The following LHFPL3 variants were observed in gnomAD, a reference collection of about 807,000 sequenced individuals.
LHFPL3 encodes the protein LHFPL tetraspan subfamily member 3.
LHFPL3 carries 5 observed loss-of-function variants against 19.3 expected under a neutral mutation model. The observed-to-expected ratio is 0.26, with a 90% CI of 0.14 to 0.54. The LOEUF (loss-of-function observed/expected upper bound fraction) is 0.54. Ranked by LOEUF, LHFPL3 falls within the 20% of genes least tolerant of loss-of-function variation. The pLI is 0.94. For missense variants in LHFPL3, 249 were observed against 307.4 expected, an observed-to-expected ratio of 0.81 and a Z score of 1.42; for synonymous variants, 133 against 126.2, an observed-to-expected ratio of 1.05 and a Z score of -0.36.
At chr7:104,609,400 T>G (rs934023683) in intron 1 of LHFPL3, among the ~76,000 whole-genome samples, 13 of 152,236 alleles carry the variant, frequency 8.5e-5, no homozygotes, top group Admixed American at 7.2e-4. Context: ...TAGAAAACTT[T>G]TCTGTGCCTG....
At chr7:104,747,681 G>A (rs1250945950) in intron 2 of LHFPL3, among the ~76,000 whole-genome samples, 1 of 152,088 alleles carries the variant, frequency 6.6e-6, no homozygotes, top group Non-Finnish European at 1.5e-5. Flanking sequence ...GCTGTCTCTT[G>A]GGATGCATTC....
chr7:104,741,197 T>C (rs1793930715), intron 2 of LHFPL3, among the ~76,000 whole-genome samples: 1 of 152,130 alleles, frequency 6.6e-6, no homozygotes, highest in South Asian at 2.1e-4. Context: ...GTGTCCCCCT[T>C]CAATGCCTCC....
At chr7:104,881,786 T>C (rs1052001065) in intron 2 of LHFPL3, among the ~76,000 whole-genome samples, 3 of 152,198 alleles carry the variant, frequency 2.0e-5, no homozygotes, top group Admixed American at 1.3e-4. Flanking sequence ...AAATCTTCCA[T>C]GAAAGGAAAC....
chr7:104,607,288 C>A (rs909941835), intron 1 of LHFPL3, among the ~76,000 whole-genome samples: 3 of 152,190 alleles, frequency 2.0e-5, no homozygotes, highest in Non-Finnish European at 4.4e-5. Context: ...AAGATGGAGT[C>A]AACAATGTCA....
At chr7:104,452,808 G>T (rs1286784528) in intron 1 of LHFPL3, among the ~76,000 whole-genome samples, 1 of 151,986 alleles carries the variant, frequency 6.6e-6, no homozygotes, top group African/African-American at 2.4e-5. Flanking sequence ...AAGTTAAAAG[G>T]ATGCTTACTG....
chr7:104,848,827 A>G (rs1329202343), intron 2 of LHFPL3, among the ~76,000 whole-genome samples: 2 of 152,180 alleles, frequency 1.3e-5, no homozygotes, highest in Non-Finnish European at 2.9e-5. Context: ...GCATATCAGC[A>G]TGCGAATATG....
intron 1 of LHFPL3, among the ~76,000 whole-genome samples, chr7:104,417,284 A>G (rs1049110781): frequency 1.2e-4 from 19 of 152,192 alleles, no homozygotes; most frequent in African/African-American, 3.1e-4. Flanking sequence ...CTTCAACTGC[A>G]TATTCACAGA....
intron 1 of LHFPL3, among the ~76,000 whole-genome samples, chr7:104,694,516 C>A (rs1792962575): frequency 6.6e-6 from 1 of 151,882 alleles, no homozygotes; most frequent in Admixed American, 6.6e-5. Flanking sequence ...CCTGAAAAAC[C>A]TTTTTTTTAT....
chr7:104,453,142 G>T (rs1181074908), intron 1 of LHFPL3, among the ~76,000 whole-genome samples: 2 of 151,670 alleles, frequency 1.3e-5, no homozygotes, highest in Non-Finnish European at 1.5e-5. Flanking sequence ...ACTTGCTTGT[G>T]TAAAATAAAA....
rs567025867 is a variant in LHFPL3 at position 104,491,990 on chromosome 7, A to G, written c.445+162766A>G. ...TCAAAGTCACACAAAAACTAGGTCTATGTTCCAAGGAAATGTGTGTGCATA... is the reference window on the plus strand; with the variant it reads ...TCAAAGTCACACAAAAACTAGGTCTGTGTTCCAAGGAAATGTGTGTGCATA... On this transcript the variant is annotated intron_variant, in intron 1 of 2. Transcript: ENST00000424859. Among the ~76,000 whole-genome samples, 17 of 152,298 alleles carry G rather than the reference A, an allele frequency of 1.1e-4. No homozygotes were observed. In the South Asian group the frequency reaches 1.7e-3, roughly 15 times the overall value.
At chr7:104,841,679 C>G (rs903876705) in intron 2 of LHFPL3, among the ~76,000 whole-genome samples, 4 of 151,784 alleles carry the variant, frequency 2.6e-5, no homozygotes, top group African/African-American at 9.7e-5. Flanking sequence ...TACCTCTCTT[C>G]TCTCCTCTCA....
At chr7:104,377,178 T>C (rs576647606) in intron 1 of LHFPL3, among the ~76,000 whole-genome samples, 5 of 152,314 alleles carry the variant, frequency 3.3e-5, no homozygotes, top group African/African-American at 1.2e-4. Context: ...CCTTGTTTCA[T>C]CACAGGATGG....
chr7:104,362,962 A>G (rs1790418227), intron 1 of LHFPL3, among the ~76,000 whole-genome samples: 1 of 152,224 alleles, frequency 6.6e-6, no homozygotes, highest in Admixed American at 6.5e-5. Flanking sequence ...AAATACCTCA[A>G]ACACCAATCT....
At chr7:104,411,964 G>A (rs113609294) in intron 1 of LHFPL3, among the ~76,000 whole-genome samples, 2,694 of 152,144 alleles carry the variant, frequency 0.018, 75 homozygotes, top group African/African-American at 0.061. Context: ...TCTCCCGTCC[G>A]ACTGTGTGCT....
At chr7:104,732,450 T>C (rs946920539) in intron 1 of LHFPL3, among the ~76,000 whole-genome samples, 19 of 152,190 alleles carry the variant, frequency 1.2e-4, no homozygotes, top group African/African-American at 4.6e-4. Context: ...GGTTTAGTCT[T>C]GGGAGGATGT....
intron 1 of LHFPL3, among the ~76,000 whole-genome samples, chr7:104,438,200 G>A (rs938879446): frequency 5.9e-5 from 9 of 152,218 alleles, no homozygotes; most frequent in Non-Finnish European, 1.0e-4. Flanking sequence ...TATTTATCAT[G>A]ATATGACACA....
At chr7:104,536,452 T>C (rs904069921) in intron 1 of LHFPL3, among the ~76,000 whole-genome samples, 15 of 152,194 alleles carry the variant, frequency 9.9e-5, no homozygotes, top group African/African-American at 2.4e-4. Context: ...CCCAGGCCGA[T>C]TGGAACATCA....
chr7:104,462,757 A>T (rs879174604), intron 1 of LHFPL3, among the ~76,000 whole-genome samples: 1 of 152,178 alleles, frequency 6.6e-6, no homozygotes, highest in Non-Finnish European at 1.5e-5. Context: ...GCTTTATAGA[A>T]TGAGTTTGGG....
intron 1 of LHFPL3, among the ~76,000 whole-genome samples, chr7:104,411,474 A>T (rs1446710742): frequency 2.0e-5 from 3 of 152,088 alleles, no homozygotes; most frequent in Non-Finnish European, 4.4e-5. Context: ...TTTGAAATTC[A>T]ATAATATTAA....
Sources: allele counts gnomAD v4.1 joint callset (sites outside exome capture counted in the v4.1 genomes callset), GRCh38; gene constraint gnomAD v4.1.1; transcripts MANE v1.5; gene names NCBI Gene and HGNC (gene_info 2026-07-23, HGNC 2026-07-21).